The following HPSE2 variants were observed in gnomAD, a reference collection of about 807,000 sequenced individuals.
HPSE2 encodes inactive heparanase-2.
A neutral mutation model predicts 60.5 loss-of-function variants in HPSE2; 38 were observed. The ratio of observed to expected loss-of-function variants is 0.63; its 90% CI spans 0.48 to 0.82. The LOEUF (loss-of-function observed/expected upper bound fraction) is 0.82. HPSE2 is among the 40% of genes least tolerant of loss of function. The pLI, the probability that HPSE2 is intolerant of heterozygous loss-of-function variation, is 0.00. For missense variants in HPSE2, 713 were observed against 740.4 expected, an observed-to-expected ratio of 0.96 and a Z score of 0.43; for synonymous variants, 295 against 293.2, an observed-to-expected ratio of 1.01 and a Z score of -0.06.
the HPSE2 span, among the ~76,000 whole-genome samples, chr10:99,267,723 T>C: frequency 2.0e-5 from 3 of 149,092 alleles, no homozygotes; most frequent in African/African-American, 7.4e-5. Flanking sequence ...GAGGTTGCAG[T>C]GAGCCAAAAT....
intron 3 of HPSE2, among the ~76,000 whole-genome samples, chr10:99,110,214 T>C (rs1159598563): frequency 6.6e-6 from 1 of 152,200 alleles, no homozygotes; most frequent in African/African-American, 2.4e-5. Flanking sequence ...TATACTCTTC[T>C]TTTAGGCTAG....
intron 3 of HPSE2, among the ~76,000 whole-genome samples, chr10:98,831,141 T>C (rs541040706): frequency 6.6e-6 from 1 of 152,142 alleles, no homozygotes; most frequent in Admixed American, 6.5e-5. Context: ...AGAAATAGGG[T>C]GAGCAAGAAA....
chr10:98,492,244 T>G (rs1941671961), intron 9 of HPSE2, among the ~76,000 whole-genome samples: 1 of 152,186 alleles, frequency 6.6e-6, no homozygotes, highest in Non-Finnish European at 1.5e-5. Flanking sequence ...GGCTCACGCC[T>G]ATAATCCCTG....
intron 3 of HPSE2, among the ~76,000 whole-genome samples, chr10:98,928,773 G>A (rs1221911937): frequency 7.7e-6 from 1 of 129,048 alleles, no homozygotes; most frequent in Admixed American, 8.1e-5. Context: ...TCACTCATAG[G>A]TGGGAATTGA....
At chr10:98,952,356 G>A (rs924080658) in intron 3 of HPSE2, among the ~76,000 whole-genome samples, 2 of 144,314 alleles carry the variant, frequency 1.4e-5, no homozygotes, top group Non-Finnish European at 3.1e-5. Context: ...GTGTGTGTGT[G>A]TGTCAGGGTG....
At chr10:99,305,334 C>G in the HPSE2 span, among the ~76,000 whole-genome samples, 1 of 152,170 alleles carries the variant, frequency 6.6e-6, no homozygotes, top group Non-Finnish European at 1.5e-5. Context: ...CAAAGGACCC[C>G]AGGCTCTCAA....
intron 6 of HPSE2, among the ~76,000 whole-genome samples, chr10:98,693,395 C>T (rs1948129184): frequency 6.6e-6 from 1 of 152,008 alleles, no homozygotes; most frequent in Non-Finnish European, 1.5e-5. Flanking sequence ...AGTTTATTCC[C>T]TTTCTTGAAG....
chr10:98,600,104 T>A (rs1423172628), intron 9 of HPSE2, among the ~76,000 whole-genome samples: 1 of 152,194 alleles, frequency 6.6e-6, no homozygotes, highest in East Asian at 1.9e-4. Context: ...CAGCAAATAA[T>A]TTTTTAGTGT....
rs1421159324 is a variant in HPSE2, at chr10:98,693,959, A to C, written c.957-12T>G. 9 of 1,605,764 alleles carry C rather than the reference A, an allele frequency of 5.6e-6. No homozygotes were observed. In the Admixed American group the frequency reaches 1.5e-4, roughly 27 times the overall value. Reference sequence around the variant, plus strand: ...CCACCTTCATGAATCTGTAAGGAATAGAAAGAAAAAAGATATTACAACTTA... The same window carrying C: ...CCACCTTCATGAATCTGTAAGGAATCGAAAGAAAAAAGATATTACAACTTA... On this transcript the variant is annotated splice_polypyrimidine_tract_variant and intron_variant, in intron 5 of 11. Transcript: ENST00000370552.
intron 8 of HPSE2, among the ~76,000 whole-genome samples, chr10:98,617,322 T>C (rs1391145716): frequency 6.6e-6 from 1 of 152,222 alleles, no homozygotes; most frequent in Non-Finnish European, 1.5e-5. Context: ...ACCATGTAAA[T>C]GCCTGTGTAT....
At chr10:99,222,823 G>A (rs375117480) in intron 2 of HPSE2, among the ~76,000 whole-genome samples, 1 of 152,108 alleles carries the variant, frequency 6.6e-6, no homozygotes, top group East Asian at 1.9e-4. Flanking sequence ...TGCAGTTATC[G>A]TTCTCTGTTT....
At chr10:98,604,248 T>C (rs1945514679) in intron 9 of HPSE2, among the ~76,000 whole-genome samples, 1 of 150,774 alleles carries the variant, frequency 6.6e-6, no homozygotes, top group South Asian at 2.1e-4. Context: ...ACAAAGCAAA[T>C]AGTATGCAAA....
chr10:98,947,629 G>T (rs1161370064), intron 3 of HPSE2, among the ~76,000 whole-genome samples: 1 of 152,118 alleles, frequency 6.6e-6, no homozygotes, highest in African/African-American at 2.4e-5. Flanking sequence ...TTATTAGTAA[G>T]AAAGAGAAGC....
intron 3 of HPSE2, among the ~76,000 whole-genome samples, chr10:98,986,482 C>T (rs1956355054): frequency 1.3e-5 from 2 of 151,116 alleles, no homozygotes; most frequent in South Asian, 4.3e-4. Flanking sequence ...CTCTGGGACA[C>T]ATTCAAAGCA....
At chr10:98,657,097 C>T (rs1179344519) in intron 6 of HPSE2, among the ~76,000 whole-genome samples, 1 of 151,350 alleles carries the variant, frequency 6.6e-6, no homozygotes, top group Non-Finnish European at 1.5e-5. Flanking sequence ...ATTTTCTCAT[C>T]ACTTTATTGC....
intron 3 of HPSE2, among the ~76,000 whole-genome samples, chr10:99,118,115 A>G (rs575684766): frequency 6.6e-6 from 1 of 152,302 alleles, no homozygotes; most frequent in South Asian, 2.1e-4. Flanking sequence ...GATCCATCAC[A>G]TAAACAGAAT....
the HPSE2 span, among the ~76,000 whole-genome samples, chr10:99,304,950 C>T: frequency 1.3e-5 from 2 of 152,158 alleles, no homozygotes; most frequent in Non-Finnish European, 2.9e-5. Flanking sequence ...ATGGAATTTT[C>T]TAGAGTCTAT....
chr10:98,865,084 C>T (rs568951037), intron 3 of HPSE2, among the ~76,000 whole-genome samples: 3 of 152,124 alleles, frequency 2.0e-5, no homozygotes, highest in East Asian at 1.9e-4. Flanking sequence ...TAAAAAGATT[C>T]TTAAGAGATG....
At chr10:98,500,675 C>T (rs886451243) in intron 9 of HPSE2, among the ~76,000 whole-genome samples, 2 of 151,930 alleles carry the variant, frequency 1.3e-5, no homozygotes, top group Admixed American at 6.6e-5. Context: ...TAACCAAGAT[C>T]AGAGCAGAGC....
Sources: allele counts gnomAD v4.1 joint callset (sites outside exome capture counted in the v4.1 genomes callset), GRCh38; gene constraint gnomAD v4.1.1; transcripts MANE v1.5; gene names NCBI Gene and HGNC (gene_info 2026-07-23, HGNC 2026-07-21).